CWF19L2: variants seen among roughly 807,000 people sequenced by gnomAD.
CWF19L2 encodes CWF19 like cell cycle control factor 2, also known as CWF19-like protein 2.
Under a neutral mutation model 111.7 loss-of-function variants are expected in CWF19L2, and 98 were observed. That is an observed-to-expected ratio of 0.88 (90% CI 0.75 to 1.04). The LOEUF (loss-of-function observed/expected upper bound fraction) is 1.04. CWF19L2 is among the 50% of genes least tolerant of loss of function. The pLI, the probability that CWF19L2 is intolerant of heterozygous loss-of-function variation, is 0.00. For missense variants in CWF19L2, 1,101 were observed against 1,051.4 expected (o/e 1.05, Z -0.65); for synonymous variants, 351 against 342.9 (o/e 1.02, Z -0.26).
At chr11:107,411,890 T>C (rs10502090) in intron 10 of CWF19L2, among the ~76,000 whole-genome samples, 2,085 of 152,232 alleles carry the variant, frequency 0.014, 49 homozygotes, top group African/African-American at 0.048. Flanking sequence ...CAGAGACGGA[T>C]TGTCAAAAGA....
At chr11:107,452,917 C>G (rs1396040325) in intron 3 of CWF19L2, among the ~76,000 whole-genome samples, 1 of 152,150 alleles carries the variant, frequency 6.6e-6, no homozygotes, top group African/African-American at 2.4e-5. Flanking sequence ...TTTGAGGCTG[C>G]AATGAGCCAT....
chr11:107,412,914 T>C (rs1861177651), intron 10 of CWF19L2, among the ~76,000 whole-genome samples: 1 of 152,110 alleles, frequency 6.6e-6, no homozygotes, highest in Non-Finnish European at 1.5e-5. Context: ...TTACATGACA[T>C]TCTGGAAAAG....
At chr11:107,446,284 A>G (rs1220156063) in intron 3 of CWF19L2, among the ~76,000 whole-genome samples, 1 of 152,188 alleles carries the variant, frequency 6.6e-6, no homozygotes, top group Non-Finnish European at 1.5e-5. Context: ...ATAATTTAGT[A>G]CTATCAAATT....
intron 10 of CWF19L2, chr11:107,404,033 T>C: frequency 1.3e-6 from 1 of 772,320 alleles, no homozygotes; most frequent in Non-Finnish European, 2.4e-6. Flanking sequence ...ATGGTTTCAC[T>C]AAAAACCCAT....
At chr11:107,399,828 C>T (rs1463868682) in intron 10 of CWF19L2, among the ~76,000 whole-genome samples, 1 of 152,010 alleles carries the variant, frequency 6.6e-6, no homozygotes, top group Non-Finnish European at 1.5e-5. Flanking sequence ...ATAAAATGAG[C>T]CTAGATAAAT....
intron 8 of CWF19L2, among the ~76,000 whole-genome samples, chr11:107,425,217 A>ACACACACAC (rs1861358425): frequency 8.6e-6 from 1 of 116,480 alleles, no homozygotes; most frequent in Non-Finnish European, 1.8e-5. Flanking sequence ...CACACACACA[A>ACACACACAC]AGAGGTTGAA....
chr11:107,407,845 A>C (rs1284183774), intron 10 of CWF19L2, among the ~76,000 whole-genome samples: 1 of 152,084 alleles, frequency 6.6e-6, no homozygotes, highest in African/African-American at 2.4e-5. Context: ...CACAATAAAA[A>C]AAATTTTTTA....
intron 12 of CWF19L2, among the ~76,000 whole-genome samples, chr11:107,362,240 AG>A: frequency 6.6e-6 from 1 of 152,116 alleles, no homozygotes; most frequent in African/African-American, 2.4e-5. Flanking sequence ...GCAGCGAGGC[AG>A]GGGGAAGGGG....
At chr11:107,412,372 A>C (rs981733181) in intron 10 of CWF19L2, among the ~76,000 whole-genome samples, 1 of 152,100 alleles carries the variant, frequency 6.6e-6, no homozygotes, top group Admixed American at 6.6e-5. Context: ...ATGGAGTCCC[A>C]CACTGCCGCC....
chr11:107,382,872 C>T (rs1489973113), intron 12 of CWF19L2, among the ~76,000 whole-genome samples: 1 of 152,152 alleles, frequency 6.6e-6, no homozygotes, highest in Non-Finnish European at 1.5e-5. Context: ...TTAAGACCAT[C>T]CCCAGAGAGG....
rs1029880359 is a variant in CWF19L2, at chr11:107,378,886, G to C, written c.1872+11188C>G. Among the ~76,000 whole-genome samples, 5 of 152,166 alleles carry C rather than the reference G, an allele frequency of 3.3e-5. No individual in the cohort carries two copies. In the East Asian group the frequency reaches 5.8e-4, roughly 18 times the overall value. ...TAGCATCGATAGTGTGATGGCAACA[G>C]GAACAAAGAGAAGTAGATTGGGCAT... is the stretch of plus-strand genomic sequence containing the variant. On this transcript the variant is annotated intron_variant, in intron 12 of 17. Transcript: ENST00000282251.
At chr11:107,361,048 C>T (rs74454250) in intron 12 of CWF19L2, among the ~76,000 whole-genome samples, 2,667 of 152,192 alleles carry the variant, frequency 0.018, 58 homozygotes, top group African/African-American at 0.059. Flanking sequence ...AGAAGAGTTT[C>T]CCCTAGGTTT....
At chr11:107,372,526 C>T (rs1179312539) in intron 12 of CWF19L2, among the ~76,000 whole-genome samples, 1 of 136,500 alleles carries the variant, frequency 7.3e-6, no homozygotes, top group Non-Finnish European at 1.6e-5. Context: ...CCAGGCCATT[C>T]CAGGTCTTGT....
At chr11:107,435,313 T>C (rs975596321) in intron 6 of CWF19L2, among the ~76,000 whole-genome samples, 4 of 152,178 alleles carry the variant, frequency 2.6e-5, no homozygotes, top group African/African-American at 9.6e-5. Context: ...ATGCAACCAC[T>C]TGAGGAAGTT....
intron 10 of CWF19L2, 104 bp downstream of exon 10, chr11:107,416,105 A>C: frequency 3.5e-6 from 1 of 281,776 alleles, no homozygotes; most frequent in Non-Finnish European, 6.3e-6. Flanking sequence ...TCAAAAAAAT[A>C]GATAAAATAA....
chr11:107,381,173 T>C (rs1354616700), intron 12 of CWF19L2, among the ~76,000 whole-genome samples: 4 of 152,196 alleles, frequency 2.6e-5, no homozygotes, highest in Non-Finnish European at 5.9e-5. Flanking sequence ...TTGCAAAATA[T>C]TTCAATTTAT....
chr11:107,346,757 T>C (rs111677813), intron 14 of CWF19L2, among the ~76,000 whole-genome samples: 82 of 152,282 alleles, frequency 5.4e-4, no homozygotes, highest in Non-Finnish European at 1.1e-3. Flanking sequence ...AACAGGGGTG[T>C]TATCAGAAAG....
chr11:107,357,332 T>G (rs1460276498), intron 12 of CWF19L2, among the ~76,000 whole-genome samples: 2 of 152,218 alleles, frequency 1.3e-5, no homozygotes, highest in African/African-American at 2.4e-5. Context: ...GTTAAGGTAC[T>G]TAACAGTGGG....
At chr11:107,403,429 A>G in intron 10 of CWF19L2, 1 of 762,908 alleles carries the variant, frequency 1.3e-6, no homozygotes, top group Non-Finnish European at 2.4e-6. Context: ...CTGGTAGGGG[A>G]TCTGTCGGTG....
Sources: allele counts gnomAD v4.1 joint callset (sites outside exome capture counted in the v4.1 genomes callset), GRCh38; gene constraint gnomAD v4.1.1; transcripts MANE v1.5; gene names NCBI Gene and HGNC (gene_info 2026-07-23, HGNC 2026-07-21).